Variants in DLGAP2 observed in about 807,000 individuals in gnomAD.
DLGAP2 encodes the protein disks large-associated protein 2.
Under a neutral mutation model 100.3 loss-of-function variants are expected in DLGAP2, and 26 were observed. That is an observed-to-expected ratio of 0.26 (90% CI 0.19 to 0.36). DLGAP2 has a LOEUF of 0.36. DLGAP2 is among the 10% of genes least tolerant of loss of function. The pLI is 1.00. For missense variants in DLGAP2, 1,858 were observed against 1,453.2 expected (o/e 1.28, Z -4.53); for synonymous variants, 886 against 630.1 (o/e 1.41, Z -6.08).
At chr8:1,274,914 T>G (rs1014648564) in intron 3 of DLGAP2, among the ~76,000 whole-genome samples, 4 of 152,142 alleles carry the variant, frequency 2.6e-5, no homozygotes, top group Non-Finnish European at 5.9e-5. Flanking sequence ...TGTAGACCTC[T>G]CCTAATCCAG....
intron 3 of DLGAP2, among the ~76,000 whole-genome samples, chr8:1,495,932 C>T (rs887132118): frequency 6.6e-6 from 1 of 152,176 alleles, no homozygotes; most frequent in Admixed American, 6.5e-5. Context: ...GAGCCTCTGA[C>T]AGCCAAGGAT....
intron 3 of DLGAP2, among the ~76,000 whole-genome samples, chr8:1,287,488 GTGTGTGTGGTT>G (rs1401348589): frequency 1.9e-5 from 1 of 51,944 alleles, no homozygotes; most frequent in Non-Finnish European, 3.4e-5. Flanking sequence ...GTGTGTGTGT[GTGTGTGTGGTT>G]CTGTTAGGAG....
At chr8:1,513,365 C>T (rs1445645466) in intron 4 of DLGAP2, among the ~76,000 whole-genome samples, 3 of 151,710 alleles carry the variant, frequency 2.0e-5, no homozygotes, top group Non-Finnish European at 4.4e-5. Flanking sequence ...GTGGGATACG[C>T]TACTGCCTTT....
intron 3 of DLGAP2, among the ~76,000 whole-genome samples, chr8:1,473,916 C>G (rs1208712749): frequency 6.6e-6 from 1 of 152,156 alleles, no homozygotes; most frequent in African/African-American, 2.4e-5. Flanking sequence ...AACTGTGAGT[C>G]CATTAAACCT....
intron 6 of DLGAP2, among the ~76,000 whole-genome samples, chr8:1,573,239 A>T (rs1338716295): frequency 1.2e-5 from 1 of 85,330 alleles, no homozygotes; most frequent in Non-Finnish European, 2.3e-5. Flanking sequence ...GGTGAACTGG[A>T]GGGGCGTCTT....
chr8:1,422,665 T>C (rs1031255470), intron 3 of DLGAP2, among the ~76,000 whole-genome samples: 2 of 151,828 alleles, frequency 1.3e-5, no homozygotes, highest in Non-Finnish European at 2.9e-5. Context: ...CTGGTGTGTG[T>C]TCCCTGCCCA....
Position 1,426,659 on chromosome 8 carries a change from C to G in DLGAP2, c.107-74707C>G, listed in dbSNP as rs146960707. The stretch of plus-strand genomic sequence containing the variant: ...CTAAGAGAAACTCTTATTAACCTCA[C>G]CCAGAAAGATAGGAATCTACAAAGG... On this transcript the variant is annotated intron_variant, in intron 3 of 14. Transcript: ENST00000637795. 1.8e-4 allele frequency among the ~76,000 whole-genome samples: 27 copies of G among 152,226 alleles called. 2 individuals are homozygous for G. The East Asian group carries it at 5.2e-3, about 29-fold the overall frequency.
At chr8:944,140 T>C (rs564569435) in intron 2 of DLGAP2, among the ~76,000 whole-genome samples, 2 of 152,388 alleles carry the variant, frequency 1.3e-5, no homozygotes, top group Non-Finnish European at 2.9e-5. Flanking sequence ...TTGCTGCTGA[T>C]CTGTTAGGTG....
At chr8:826,071 G>T (rs1018722492) in intron 1 of DLGAP2, among the ~76,000 whole-genome samples, 1 of 152,220 alleles carries the variant, frequency 6.6e-6, no homozygotes, top group Non-Finnish European at 1.5e-5. Flanking sequence ...TTGAGAACAT[G>T]CTGTGTTTAT....
chr8:815,814 T>C (rs970976032), intron 1 of DLGAP2, among the ~76,000 whole-genome samples: 1 of 152,210 alleles, frequency 6.6e-6, no homozygotes, highest in African/African-American at 2.4e-5. Context: ...AAGAATACTT[T>C]GGAGCATGTG....
Position 1,453,369 on chromosome 8 carries a change from G to T in DLGAP2, c.107-47997G>T, listed in dbSNP as rs555486045. ...TTTATCTTCTTGAGTACTTTCACAAGTGTCTGAGAAAGAAAGACAGCCCAT... is the reference window on the plus strand; with the variant it reads ...TTTATCTTCTTGAGTACTTTCACAATTGTCTGAGAAAGAAAGACAGCCCAT... On this transcript the variant is annotated intron_variant, in intron 3 of 14. Transcript: ENST00000637795. Among the ~76,000 whole-genome samples, 727 of 152,274 alleles carry T rather than the reference G, an allele frequency of 4.8e-3. 2 individuals are homozygous for T. Among genetic ancestry groups the T allele is most frequent in the Middle Eastern group, 0.017 (5 of 294 alleles).
At chr8:847,418 CT>C (rs1007022729) in intron 1 of DLGAP2, among the ~76,000 whole-genome samples, 16 of 152,188 alleles carry the variant, frequency 1.1e-4, no homozygotes, top group South Asian at 2.1e-4. Flanking sequence ...ATATTTTACA[CT>C]TTTTTTCCCT....
At chr8:1,087,122 A>G (rs1803999313) in intron 2 of DLGAP2, among the ~76,000 whole-genome samples, 1 of 152,244 alleles carries the variant, frequency 6.6e-6, no homozygotes, top group South Asian at 2.1e-4. Flanking sequence ...TCATAAATAG[A>G]TAAAAAAGTT....
rs922078494 is a variant in DLGAP2, at chr8:1,706,821, A to T, written c.*5415A>T. ...ACTCAAACCACGCAAGGGTTTGAGAAGCCCACCCCTCTAATTCCAGGCGTT... is the reference window on the plus strand; with the variant it reads ...ACTCAAACCACGCAAGGGTTTGAGATGCCCACCCCTCTAATTCCAGGCGTT... On this transcript the variant is annotated 3_prime_UTR_variant, in exon 15 of 15. Transcript: ENST00000637795. 2 of 152,234 alleles carry T rather than the reference A, an allele frequency of 1.3e-5. No individual in the cohort carries two copies. The highest frequency in any genetic ancestry group is 4.8e-5 in the African/African-American group (2 of 41,468). 9.4% of individuals were successfully genotyped at this position (152,234 alleles called of 1,614,324 possible). A position where few individuals can be genotyped will look rare whatever the true frequency, so the allele number is the denominator to read the frequency against.
intron 2 of DLGAP2, among the ~76,000 whole-genome samples, chr8:1,172,984 G>T (rs1797162695): frequency 6.6e-6 from 1 of 152,198 alleles, no homozygotes; most frequent in East Asian, 1.9e-4. Flanking sequence ...CATTTTTTCT[G>T]CTCTGTTTTT....
chr8:958,581 C>CAA (rs1563114216), intron 2 of DLGAP2, among the ~76,000 whole-genome samples: 4,852 of 77,684 alleles, frequency 0.062, 156 homozygotes, highest in Admixed American at 0.14. Context: ...AACTAGACCT[C>CAA]CAAAAAAAAA....
intron 2 of DLGAP2, among the ~76,000 whole-genome samples, chr8:1,102,317 T>A (rs1459610393): frequency 6.8e-6 from 1 of 147,508 alleles, no homozygotes; most frequent in African/African-American, 2.5e-5. Flanking sequence ...AATTACATAA[T>A]AATATATATA....
chr8:753,361 G>C (rs1481890843), intron 1 of DLGAP2: 1 of 152,222 alleles, frequency 6.6e-6, no homozygotes, highest in Admixed American at 6.5e-5. Flanking sequence ...TGGTGGGTTT[G>C]TTTTGAAGCC....
In DLGAP2 at chr8:1,285,779, G is replaced by A. The variant is rs116843507; in HGVS notation, c.106+26896G>A. Among the ~76,000 whole-genome samples the A allele has an allele frequency of 4.1e-4, 62 of 152,238 alleles. No homozygotes were observed. In the East Asian group the frequency reaches 6.4e-3, roughly 16 times the overall value. The stretch of plus-strand genomic sequence containing the variant: ...AGCCCAGGAGTTCAAGACCAGGCTG[G>A]GCAACATAGCTAGACTTCTTCTCTA... On this transcript the variant is annotated intron_variant, in intron 3 of 14. Coordinates refer to ENST00000637795, the MANE Select transcript of DLGAP2 (RefSeq NM_001346810.2).
Sources: gnomAD v4.1 joint callset for allele counts (sites outside exome capture counted in the v4.1 genomes callset) on GRCh38, gnomAD v4.1.1 for gene constraint, MANE v1.5 for transcripts, NCBI Gene and HGNC (gene_info 2026-07-23, HGNC 2026-07-21) for gene names.